Variants in CDH18 observed in about 807,000 individuals in gnomAD.
The protein encoded by CDH18 is cadherin 18.
Under a neutral mutation model 67.9 loss-of-function variants are expected in CDH18, and 31 were observed. The observed-to-expected ratio is 0.46, with a 90% confidence interval of 0.34 to 0.62. The LOEUF (loss-of-function observed/expected upper bound fraction) is 0.62, where lower values mean the gene tolerates loss of function less well. CDH18 is among the 20% of genes least tolerant of loss of function. The pLI is 0.01. For synonymous variants in CDH18, 362 were observed against 347.2 expected (o/e 1.04, Z -0.48); for missense variants, 890 against 975.5 (o/e 0.91, Z 1.17).
At chr5:19,852,850 T>C (rs1561444274) in intron 2 of CDH18, among the ~76,000 whole-genome samples, 1 of 152,066 alleles carries the variant, frequency 6.6e-6, no homozygotes, top group East Asian at 1.9e-4. Context: ...ATTCTTCCTA[T>C]ATAATCCAGA....
chr5:20,573,718 A>G (rs545438193), intron 1 of CDH18, among the ~76,000 whole-genome samples: 13 of 149,484 alleles, frequency 8.7e-5, no homozygotes, highest in African/African-American at 3.2e-4. Context: ...ATACTGCAAC[A>G]ATATACATAA....
intron 7 of CDH18, among the ~76,000 whole-genome samples, chr5:19,588,559 C>T (rs935372380): frequency 7.9e-5 from 12 of 151,958 alleles, no homozygotes; most frequent in Non-Finnish European, 1.3e-4. Context: ...ACAATACTAA[C>T]ATTAAATGTA....
At chr5:20,115,646 G>A (rs1360142626) in intron 2 of CDH18, among the ~76,000 whole-genome samples, 1 of 151,922 alleles carries the variant, frequency 6.6e-6, no homozygotes, top group Non-Finnish European at 1.5e-5. Context: ...GCATTTCGTG[G>A]GAACACAAAT....
chr5:19,655,826 A>G (rs1756284283), intron 5 of CDH18, among the ~76,000 whole-genome samples: 1 of 152,120 alleles, frequency 6.6e-6, no homozygotes, highest in Non-Finnish European at 1.5e-5. Context: ...GTGTTCTGTC[A>G]TCCTTAGAAA....
chr5:19,701,619 G>A (rs1232140891), intron 5 of CDH18, among the ~76,000 whole-genome samples: 1 of 152,048 alleles, frequency 6.6e-6, no homozygotes, highest in Non-Finnish European at 1.5e-5. Flanking sequence ...GTGTTTGGGG[G>A]CAATGAAGGC....
At chr5:20,574,345 C>T (rs1758998381) in intron 1 of CDH18, among the ~76,000 whole-genome samples, 1 of 151,726 alleles carries the variant, frequency 6.6e-6, no homozygotes, top group African/African-American at 2.4e-5. Flanking sequence ...TTTTTTGAAA[C>T]GTTGAACAAC....
At chr5:20,196,047 G>A (rs1738947661) in intron 2 of CDH18, among the ~76,000 whole-genome samples, 2 of 152,108 alleles carry the variant, frequency 1.3e-5, no homozygotes, top group African/African-American at 4.8e-5. Flanking sequence ...TGGAAGGTAT[G>A]GACATCTGTT....
At chr5:19,514,732 G>A (rs1249024738) in intron 10 of CDH18, among the ~76,000 whole-genome samples, 6 of 152,176 alleles carry the variant, frequency 3.9e-5, no homozygotes, top group African/African-American at 7.2e-5. Context: ...GTTATTTGTA[G>A]ATTCTGGATA....
chr5:20,336,711 G>A (rs187532970), intron 1 of CDH18, among the ~76,000 whole-genome samples: 1 of 102,416 alleles, frequency 9.8e-6, no homozygotes, highest in African/African-American at 3.6e-5. Context: ...CAACAGAGAG[G>A]GAGCCTCTGT....
intron 2 of CDH18, among the ~76,000 whole-genome samples, chr5:20,032,866 A>G (rs905343341): frequency 2.0e-5 from 3 of 152,054 alleles, no homozygotes; most frequent in African/African-American, 7.2e-5. Context: ...AGGGTCACAT[A>G]ACACATTAGT....
intron 1 of CDH18, among the ~76,000 whole-genome samples, chr5:20,575,202 G>T (rs145094711): frequency 4.6e-5 from 7 of 151,776 alleles, no homozygotes; most frequent in African/African-American, 1.7e-4. Context: ...TCTTCTTTAC[G>T]TGGAGTATCT....
chr5:19,484,393 T>A (rs1413483246), intron 11 of CDH18, among the ~76,000 whole-genome samples: 1 of 152,186 alleles, frequency 6.6e-6, no homozygotes, highest in Non-Finnish European at 1.5e-5. Flanking sequence ...CACCACAATG[T>A]CACATTGCCT....
intron 8 of CDH18, among the ~76,000 whole-genome samples, chr5:19,563,617 G>A (rs1264749311): frequency 6.6e-6 from 1 of 152,114 alleles, no homozygotes; most frequent in East Asian, 1.9e-4. Flanking sequence ...AAACAGCCAG[G>A]CTCTAATTTT....
chr5:20,313,381 G>T (rs1016981851), intron 1 of CDH18, among the ~76,000 whole-genome samples: 5 of 151,880 alleles, frequency 3.3e-5, no homozygotes, highest in Admixed American at 1.3e-4. Flanking sequence ...ATTTGATTTG[G>T]TTAGTTTCAA....
At chr5:20,404,057 C>T (rs970637936) in intron 1 of CDH18, among the ~76,000 whole-genome samples, 1 of 152,194 alleles carries the variant, frequency 6.6e-6, no homozygotes, top group African/African-American at 2.4e-5. Context: ...CGGCTTCTTT[C>T]CTCAAACCTA....
intron 10 of CDH18, among the ~76,000 whole-genome samples, chr5:19,506,838 G>T (rs1250450048): frequency 6.6e-6 from 1 of 152,140 alleles, no homozygotes; most frequent in Non-Finnish European, 1.5e-5. Flanking sequence ...CAGGACATAG[G>T]CATGGGCAAG....
At chr5:20,501,435 T>A (rs1214104365) in intron 1 of CDH18, among the ~76,000 whole-genome samples, 3 of 112,656 alleles carry the variant, frequency 2.7e-5, no homozygotes, top group South Asian at 2.5e-4. Context: ...ATATATATAT[T>A]TTATATACAT....
intron 2 of CDH18, among the ~76,000 whole-genome samples, chr5:20,150,276 T>C (rs1478573908): frequency 2.6e-5 from 4 of 152,008 alleles, no homozygotes; most frequent in Non-Finnish European, 5.9e-5. Context: ...GTCTGCATCA[T>C]GGGAAACAAC....
At position 19,817,458 on chromosome 5, in the gene CDH18, C is replaced by G. The variant is rs535028987; in HGVS notation, c.228+21301G>C. Among the ~76,000 whole-genome samples, 7 of 151,988 alleles carry G rather than the reference C, an allele frequency of 4.6e-5. No homozygotes were observed. In the South Asian group the frequency reaches 1.5e-3, roughly 32 times the overall value. ...ATTACATGTAATAGCAAAAAAGTAACAAGAGACAATAAATACTCATTAAGT... is the reference window on the plus strand; with the variant it reads ...ATTACATGTAATAGCAAAAAAGTAAGAAGAGACAATAAATACTCATTAAGT... On this transcript the variant is annotated intron_variant, in intron 3 of 12. Transcript: ENST00000382275.
Sources: gnomAD v4.1 joint callset for allele counts (sites outside exome capture counted in the v4.1 genomes callset) on GRCh38, gnomAD v4.1.1 for gene constraint, MANE v1.5 for transcripts, NCBI Gene and HGNC (gene_info 2026-07-23, HGNC 2026-07-21) for gene names.